Variants in LEFTY1 observed in about 807,000 individuals in gnomAD.
LEFTY1 encodes left-right determination factor B.
In LEFTY1, 18 loss-of-function variants were observed where a neutral mutation model predicts 22.6. The ratio of observed to expected loss-of-function variants is 0.80; its 90% CI spans 0.55 to 1.18. LEFTY1 has a LOEUF of 1.18. LEFTY1 is among the 50% of genes most tolerant of loss of function. The pLI is 0.00. For synonymous variants in LEFTY1, 201 were observed against 231.5 expected, an observed-to-expected ratio of 0.87 and a Z score of 1.20; for missense variants, 414 against 495.4, an observed-to-expected ratio of 0.84 and a Z score of 1.56.
rs766186625 is a variant in LEFTY1, at chr1:225,887,019, A to G, written c.809T>C (p.Ile270Thr). Residue 270 changes from isoleucine to threonine, a missense_variant, in exon 4 of 4, where the codon ATT (isoleucine) becomes ACT (threonine). Physicochemically the swap from Ile to Thr is moderately conservative, Grantham distance 89. Around this residue, in one of 2 missense-constraint regions of LEFTY1, gnomAD observed 398 missense variants for 454.7 expected, o/e 0.88. Transcript: ENST00000272134. The stretch of plus-strand genomic sequence containing the variant: ...GGCCCACTTCATCCCCTGCAGGTCA[A>G]TGTACATCTCCTGGCGGCAGCAGCG... ...GTRCCRQEMYIDLQGMKWAEN... is the reference protein window; with the variant it reads ...GTRCCRQEMYTDLQGMKWAEN... 10 of 1,604,468 alleles carry G rather than the reference A, an allele frequency of 6.2e-6. No individual in the cohort carries two copies. In the Admixed American group the frequency reaches 1.0e-4, roughly 16 times the overall value.
chr1:225,887,667 G>T lies in LEFTY1; in HGVS notation c.498-29C>A, dbSNP rs755796805. 12 of 1,611,702 alleles carry T rather than the reference G, an allele frequency of 7.4e-6. No individual in the cohort carries two copies. The African/African-American group carries it at 1.6e-4, about 22-fold the overall frequency. ...AGACATGACACAGAGACCCAGCGCC[G>T]CTTGAGGGCGGGGACTGGGACGGGC... On this transcript the variant is annotated intron_variant, in intron 2 of 3. Transcript: ENST00000272134.
At position 225,887,873 on chromosome 1, in the gene LEFTY1, G is replaced by T. The variant is rs551292616; in HGVS notation, c.410C>A (p.Ser137Tyr). 376 of 1,532,264 alleles carry T rather than the reference G, an allele frequency of 2.5e-4. 4 individuals carry two copies. In the African/African-American group the frequency reaches 4.7e-3, roughly 19 times the overall value. The allele number at this position is 1,532,264 out of a possible 1,614,324, so 94.9% of individuals were successfully genotyped here. The stretch of plus-strand genomic sequence containing the variant: ...CACCCGGGCCCGGGCGCTGCGCGGG[G>T]ACAGCCGCCCGTGCCTGTGCAGCGC... Reference protein sequence around the residue: ...KAALHRHGRLSPRSARARVTV... With the variant: ...KAALHRHGRLYPRSARARVTV... The change falls in exon 2 of 4, where the codon TCC becomes TAC. Residue 137 changes from serine to tyrosine, a missense_variant. By Grantham distance (144) the Ser-to-Tyr change is moderately radical. Around this residue, in one of 2 missense-constraint regions of LEFTY1, gnomAD observed 398 missense variants for 454.7 expected, o/e 0.88. Coordinates refer to ENST00000272134, the MANE Select transcript of LEFTY1 (RefSeq NM_020997.4).
Position 225,887,427 on chromosome 1 carries a change from G to C in LEFTY1, c.709C>G (p.Leu237Val), listed in dbSNP as rs200296829. 1.4e-5 allele frequency: 22 copies of C among 1,613,566 alleles called. No individual in the cohort carries two copies. In the Admixed American group the frequency reaches 2.2e-4, roughly 16 times the overall value. ...TAGTCCCCAAGGTCCAGGGTGTGCA[G>C]CTCCAGCTGGGGCTCCCCAAGCCCG... The part of the protein sequence containing the change: ...PAGLGEPQLE[L>V]HTLDLGDYGA... Residue 237 changes from leucine to valine, a missense_variant, in exon 3 of 4, where the codon CTG becomes GTG. Physicochemically the swap from Leu to Val is conservative, Grantham distance 32. This residue lies in a region of LEFTY1 where 398 missense variants were observed against 454.7 expected (regional missense o/e 0.88). Transcript: ENST00000272134.
In LEFTY1 at chr1:225,887,625, G is replaced by T. The variant is rs1372146423; in HGVS notation, c.511C>A (p.His171Asn). ...SLIDSRLVSV[H>N]ESGWKAFDVT... ...TCGAAGGCCTTCCAGCCGCTCTCGTGGACGGACACCAGCCTGAGACATGAC... is the reference window on the plus strand; with the variant it reads ...TCGAAGGCCTTCCAGCCGCTCTCGTTGACGGACACCAGCCTGAGACATGAC... Residue 171 changes from histidine (H) to asparagine (N), a missense_variant, in exon 3 of 4, where the codon CAC (histidine) becomes AAC (asparagine). By Grantham distance (68) the His-to-Asn change is moderately conservative. This residue lies in a region of LEFTY1 where 398 missense variants were observed against 454.7 expected (regional missense o/e 0.88). Coordinates refer to ENST00000272134, the MANE Select transcript of LEFTY1 (RefSeq NM_020997.4). 2.5e-6 allele frequency: 4 copies of T among 1,612,196 alleles called. No individual in the cohort carries two copies.
intron 1 of LEFTY1, 43 bp downstream of exon 1, chr1:225,888,774 C>T (rs770992001): frequency 1.2e-6 from 2 of 1,610,718 alleles, no homozygotes; most frequent in African/African-American, 1.3e-5. Context: ...GCACATCTGA[C>T]CTGCCCCATG....
At chr1:225,888,411 A>C (rs1348879806) in intron 1 of LEFTY1, among the ~76,000 whole-genome samples, 1 of 152,170 alleles carries the variant, frequency 6.6e-6, no homozygotes, top group East Asian at 1.9e-4. Flanking sequence ...GGTATAACCC[A>C]GGTTGTCTAC....
At position 225,886,964 on chromosome 1, in the gene LEFTY1, G is replaced by A. The variant is rs778486455; in HGVS notation, c.864C>T (p.Phe288=). The change falls in exon 4 of 4, where the codon TTC becomes TTT. Residue 288 remains phenylalanine (F), a synonymous_variant. Coordinates refer to ENST00000272134, the MANE Select transcript of LEFTY1 (RefSeq NM_020997.4). The part of the protein sequence containing the change: ...AENWVLEPPG[F]LAYECVGTCR... ...AGGTGCCCACACACTCATAAGCCAG[G>A]AAGCCCGGGGGCTCCAGCACCCAGT... 9 of 1,612,534 alleles carry A rather than the reference G, an allele frequency of 5.6e-6. No homozygotes were observed. The highest frequency in any genetic ancestry group is 1.1e-5 in the South Asian group (1 of 91,046).
In LEFTY1 at chr1:225,886,780, T is replaced by A; in HGVS notation, c.1048A>T (p.Lys350Ter). 3.1e-6 allele frequency: 5 copies of A among 1,613,842 alleles called. No homozygotes were observed. Among genetic ancestry groups the A allele is most frequent in the Non-Finnish European group, 4.2e-6 (5 of 1,180,044 alleles). Residue 350 changes from lysine to a stop codon, truncating the protein, a stop_gained, in exon 4 of 4, where the codon AAG becomes TAG. Transcript: ENST00000272134. LOFTEE classifies it high-confidence loss of function. ...VVSLPNMRVQ[K>*]CSCASDGALV... ...GCACCATCCGAGGCACAGCTGCACT[T>A]CTGCACCCTCATGTTGGGCAGGCTG...
In LEFTY1 at chr1:225,888,944, G is replaced by A; in HGVS notation, c.123C>T (p.Pro41=). ...LLRQLQLKEV[P]TLDRADMEEL... ...CCTCCATGTCGGCCCTGTCCAGGGTGGGCACCTCTTTGAGCTGCAGCTGCC... is the reference window on the plus strand; with the variant it reads ...CCTCCATGTCGGCCCTGTCCAGGGTAGGCACCTCTTTGAGCTGCAGCTGCC... Residue 41 remains proline (P), a synonymous_variant, in exon 1 of 4, where the codon CCC becomes CCT. Coordinates refer to ENST00000272134, the MANE Select transcript of LEFTY1 (RefSeq NM_020997.4). 1 of 1,611,102 alleles carries A rather than the reference G, an allele frequency of 6.2e-7. No homozygotes were observed. The highest frequency in any genetic ancestry group is 8.5e-7 in the Non-Finnish European group (1 of 1,179,100).
At position 225,887,891 on chromosome 1, in the gene LEFTY1, T is replaced by C; in HGVS notation, c.392A>G (p.His131Arg). 2 of 1,535,378 alleles carry C rather than the reference T, an allele frequency of 1.3e-6. No homozygotes were observed. The highest frequency in any genetic ancestry group is 1.4e-5 in the African/African-American group (1 of 72,784). ...FQEPVPKAAL[H>R]RHGRLSPRSA... The stretch of plus-strand genomic sequence containing the variant: ...GCGCGGGGACAGCCGCCCGTGCCTG[T>C]GCAGCGCGGCCTTGGGGACCGGCTC... Residue 131 changes from histidine to arginine, a missense_variant, in exon 2 of 4, where the codon CAC (histidine) becomes CGC (arginine). Physicochemically the swap from His to Arg is conservative, Grantham distance 29. Coordinates refer to ENST00000272134, the MANE Select transcript of LEFTY1 (RefSeq NM_020997.4).
intron 1 of LEFTY1, 146 bp downstream of exon 1, chr1:225,888,671 C>G: frequency 2.7e-6 from 3 of 1,103,968 alleles, no homozygotes; most frequent in Non-Finnish European, 3.8e-6. Context: ...CTCACAGGCC[C>G]GGCCCCACCT....
chr1:225,889,116 G>A lies in LEFTY1; in HGVS notation c.-50C>T. The stretch of plus-strand genomic sequence containing the variant: ...GCAGAGTGGGGCTGTCCCTTGAGAA[G>A]GCTGCAGGAGGGTCTCAGGCAGCTG... On this transcript the variant is annotated 5_prime_UTR_variant, in exon 1 of 4. Transcript: ENST00000272134. 7.0e-7 allele frequency: 1 copy of A among 1,429,638 alleles called. No individual in the cohort carries two copies. Among genetic ancestry groups the A allele is most frequent in the Non-Finnish European group, 9.1e-7 (1 of 1,095,384 alleles). 88.6% of individuals were successfully genotyped at this position (1,429,638 alleles called of 1,614,324 possible). A position where few individuals can be genotyped will look rare whatever the true frequency, so the allele number is the denominator to read the frequency against.
In LEFTY1 at chr1:225,886,443, C is replaced by T. The variant is rs1308947394; in HGVS notation, c.*284G>A. The T allele has an allele frequency of 4.0e-6, 2 of 495,292 alleles. No homozygotes were observed. The highest frequency in any genetic ancestry group is 3.7e-5 in the Admixed American group (1 of 26,900). The allele number at this position is 495,292 out of a possible 1,614,324, so 30.7% of individuals were successfully genotyped here. On this transcript the variant is annotated 3_prime_UTR_variant, in exon 4 of 4. Coordinates refer to ENST00000272134, the MANE Select transcript of LEFTY1 (RefSeq NM_020997.4). ...AGTAAACAATGACACATTGGGCTTT[C>T]TGCCCTCAGGTTACAGTATCTCCAC...
intron 1 of LEFTY1, among the ~76,000 whole-genome samples, chr1:225,888,565 T>C (rs1470990557): frequency 2.0e-5 from 3 of 152,178 alleles, no homozygotes; most frequent in African/African-American, 7.2e-5. Flanking sequence ...TTTAAAGCAA[T>C]ATGCTCCAAG....
intron 3 of LEFTY1, 62 bp downstream of exon 3, chr1:225,887,337 C>T (rs1671300821): frequency 1.2e-6 from 2 of 1,602,782 alleles, no homozygotes; most frequent in Admixed American, 1.7e-5. Context: ...TTGTCCATTT[C>T]AAAATAAATG....
Position 225,888,039 on chromosome 1 carries a change from A to G in LEFTY1, c.251-7T>C. On this transcript the variant is annotated splice_polypyrimidine_tract_variant and splice_region_variant and intron_variant, in intron 1 of 3. Coordinates refer to ENST00000272134, the MANE Select transcript of LEFTY1 (RefSeq NM_020997.4). The stretch of plus-strand genomic sequence containing the variant: ...AGGAACCTGCCGGCCACCTCTGGGG[A>G]CAAGAGCAGGGTCAGCAGGGCCTCC... 1 of 1,591,010 alleles carries G rather than the reference A, an allele frequency of 6.3e-7. No homozygotes were observed. Among genetic ancestry groups the G allele is most frequent in the Non-Finnish European group, 8.5e-7 (1 of 1,178,418 alleles).
rs774879824 is a variant in LEFTY1, at chr1:225,887,935, G to C, written c.348C>G (p.Ala116=). Reference sequence around the variant, plus strand: ...CCGGCTCCTGGAAGAGCCGCAGCACGGCCTGCACCAGCTCGCTGTTGGGCG... The same window carrying C: ...CCGGCTCCTGGAAGAGCCGCAGCACCGCCTGCACCAGCTCGCTGTTGGGCG... ...RLPPNSELVQ[A]VLRLFQEPVP... The change falls in exon 2 of 4, where the codon GCC becomes GCG. Residue 116 remains alanine, a synonymous_variant. Coordinates refer to ENST00000272134, the MANE Select transcript of LEFTY1 (RefSeq NM_020997.4). The C allele has an allele frequency of 1.3e-6, 2 of 1,554,684 alleles. No individual in the cohort carries two copies. Among genetic ancestry groups the C allele is most frequent in the East Asian group, 2.4e-5 (1 of 42,212 alleles).
In LEFTY1 at chr1:225,888,068, G is replaced by A. The variant is rs1479556905; in HGVS notation, c.251-36C>T. The A allele has an allele frequency of 5.0e-6, 8 of 1,588,008 alleles. 1 individual carries two copies. Among genetic ancestry groups the A allele is most frequent in the South Asian group, 4.5e-5 (4 of 89,876 alleles). On this transcript the variant is annotated intron_variant, in intron 1 of 3. Transcript: ENST00000272134. The stretch of plus-strand genomic sequence containing the variant: ...GAGCAGGGTCAGCAGGGCCTCCCCC[G>A]ACTCCAGGGGAGCTCTGAGGATGGC...
chr1:225,887,698 G>A, intron 2 of LEFTY1, 60 bp from the exon 3 acceptor site: 3 of 1,600,012 alleles, frequency 1.9e-6, no homozygotes, highest in Non-Finnish European at 2.6e-6. Context: ...CGGGCCCCGA[G>A]GACCCCGCAC....
Sources: gnomAD v4.1 joint callset for allele counts (sites outside exome capture counted in the v4.1 genomes callset) on GRCh38, gnomAD v4.1.1 for gene constraint, gnomAD v4.1.1 regional missense constraint, MANE v1.5 for transcripts, NCBI Gene and HGNC (gene_info 2026-07-23, HGNC 2026-07-21) for gene names.